ZNF362: variants seen among roughly 807,000 people sequenced by gnomAD.
ZNF362 encodes the protein rotund homolog.
ZNF362 carries 11 observed loss-of-function variants against 42.9 expected under a neutral mutation model. That is an observed-to-expected ratio of 0.26 (90% CI 0.16 to 0.42). The LOEUF (loss-of-function observed/expected upper bound fraction) is 0.42. Among genes scored for constraint, ZNF362 ranks in the 20% least tolerant of loss-of-function variants. ZNF362 has a pLI of 1.00. For synonymous variants in ZNF362, 255 were observed against 257.3 expected (o/e 0.99, Z 0.09); for missense variants, 362 against 576.2 (o/e 0.63, Z 3.81).
chr1:33,174,945 G>A, the ZNF362 span, among the ~76,000 whole-genome samples: 1 of 141,742 alleles, frequency 7.1e-6, no homozygotes, highest in East Asian at 2.1e-4. Flanking sequence ...ATATATGTGT[G>A]TATATATATA....
At chr1:33,204,354 T>C in the ZNF362 span, among the ~76,000 whole-genome samples, 1 of 152,180 alleles carries the variant, frequency 6.6e-6, no homozygotes, top group Non-Finnish European at 1.5e-5. Context: ...ATGTCAGTAC[T>C]ATACTGTTTT....
At chr1:33,170,634 A>C in the ZNF362 span, among the ~76,000 whole-genome samples, 1 of 152,152 alleles carries the variant, frequency 6.6e-6, no homozygotes, top group Non-Finnish European at 1.5e-5. Context: ...CTAGGTGCAG[A>C]GCCCAAAGAA....
chr1:33,205,940 A>G, the ZNF362 span, among the ~76,000 whole-genome samples: 1 of 152,112 alleles, frequency 6.6e-6, no homozygotes, highest in Non-Finnish European at 1.5e-5. Flanking sequence ...TAAATAAAAG[A>G]TAGACAAATA....
the ZNF362 span, among the ~76,000 whole-genome samples, chr1:33,178,514 A>C: frequency 4.6e-5 from 7 of 152,328 alleles, no homozygotes; most frequent in African/African-American, 1.7e-4. Flanking sequence ...AGCTGGGCAC[A>C]TGAGCTCTCA....
At chr1:33,218,368 G>A in the ZNF362 span, among the ~76,000 whole-genome samples, 2 of 152,146 alleles carry the variant, frequency 1.3e-5, no homozygotes, top group Non-Finnish European at 2.9e-5. Context: ...TTGAGCCCTG[G>A]AGGTCGAGGC....
the ZNF362 span, among the ~76,000 whole-genome samples, chr1:33,196,688 AC>A: frequency 6.6e-6 from 1 of 152,196 alleles, no homozygotes; most frequent in East Asian, 1.9e-4. Flanking sequence ...GTATACATAA[AC>A]CAGTAACAGC....
At chr1:33,182,192 C>T in the ZNF362 span, 1 of 152,116 alleles carries the variant, frequency 6.6e-6, no homozygotes, top group African/African-American at 2.4e-5. Context: ...TCCTCCAGCT[C>T]CCAGGGAAGC....
chr1:33,288,369 G>A (rs1401122885), intron 6 of ZNF362, among the ~76,000 whole-genome samples: 4 of 152,160 alleles, frequency 2.6e-5, no homozygotes, highest in African/African-American at 7.2e-5. Flanking sequence ...GGGTGGGACT[G>A]GGACAGTGGG....
intron 6 of ZNF362, among the ~76,000 whole-genome samples, chr1:33,291,620 A>G (rs1006582472): frequency 2.0e-5 from 3 of 152,174 alleles, no homozygotes; most frequent in African/African-American, 7.2e-5. Flanking sequence ...TGGTAGCTTG[A>G]TTGGGATGAC....
intron 6 of ZNF362, among the ~76,000 whole-genome samples, chr1:33,293,138 G>A (rs1646091650): frequency 1.3e-5 from 2 of 152,232 alleles, no homozygotes; most frequent in Admixed American, 1.3e-4. Context: ...GGAAGCCTGT[G>A]GGGTGAGCAG....
At chr1:33,201,385 C>T in the ZNF362 span, among the ~76,000 whole-genome samples, 9 of 152,128 alleles carry the variant, frequency 5.9e-5, no homozygotes, top group African/African-American at 1.9e-4. Context: ...AGACCATATT[C>T]TGGGGCATGA....
the ZNF362 span, among the ~76,000 whole-genome samples, chr1:33,186,343 C>G: frequency 1.3e-5 from 2 of 152,044 alleles, no homozygotes; most frequent in East Asian, 1.9e-4. Context: ...CTGAAGTGCT[C>G]TCTGGTGTTC....
At chr1:33,268,679 A>T (rs944172754) in intron 1 of ZNF362, among the ~76,000 whole-genome samples, 1 of 152,120 alleles carries the variant, frequency 6.6e-6, no homozygotes, top group African/African-American at 2.4e-5. Flanking sequence ...CAGGGAGAGG[A>T]TGCAGCCTGT....
the ZNF362 span, among the ~76,000 whole-genome samples, chr1:33,156,876 C>T: frequency 8.3e-3 from 1,261 of 152,134 alleles, 18 homozygotes; most frequent in African/African-American, 0.029. Context: ...TTTGCTAATC[C>T]GCTAGCAAAT....
At chr1:33,224,642 T>A in the ZNF362 span, among the ~76,000 whole-genome samples, 1 of 152,090 alleles carries the variant, frequency 6.6e-6, no homozygotes, top group East Asian at 1.9e-4. Flanking sequence ...GAGATAACGA[T>A]GAAAGAGACA....
intron 4 of ZNF362, among the ~76,000 whole-genome samples, chr1:33,277,020 C>T (rs1054711414): frequency 3.9e-5 from 6 of 152,190 alleles, no homozygotes; most frequent in Admixed American, 6.5e-5. Flanking sequence ...AAGAGGGAAC[C>T]GCACAGGCGG....
chr1:33,293,811 G>A (rs576077142), intron 6 of ZNF362, among the ~76,000 whole-genome samples: 3 of 152,286 alleles, frequency 2.0e-5, no homozygotes, highest in South Asian at 2.1e-4. Flanking sequence ...AGCTCCATTT[G>A]TGGACATCAT....
chr1:33,170,417 C>G, the ZNF362 span, among the ~76,000 whole-genome samples: 1 of 152,010 alleles, frequency 6.6e-6, no homozygotes, highest in Non-Finnish European at 1.5e-5. Flanking sequence ...AAAATCTCCC[C>G]CACTAGATTA....
At chr1:33,241,475 C>T in the ZNF362 span, among the ~76,000 whole-genome samples, 3 of 131,968 alleles carry the variant, frequency 2.3e-5, no homozygotes, top group Admixed American at 7.9e-5. Context: ...CAGCCTGGGC[C>T]AAAGAGCTAA....
Sources: gnomAD v4.1 joint callset for allele counts (sites outside exome capture counted in the v4.1 genomes callset) on GRCh38, gnomAD v4.1.1 for gene constraint, MANE v1.5 for transcripts, NCBI Gene and HGNC (gene_info 2026-07-23, HGNC 2026-07-21) for gene names.